The following RPGRIP1L variants were observed in gnomAD, a reference collection of about 807,000 sequenced individuals.
RPGRIP1L encodes the protein protein fantom.
In RPGRIP1L, 131 loss-of-function variants were observed where a neutral mutation model predicts 160.4. The ratio of observed to expected loss-of-function variants is 0.82; its 90% CI spans 0.71 to 0.94. The LOEUF (loss-of-function observed/expected upper bound fraction) is 0.94, where lower values mean the gene tolerates loss of function less well. Among genes scored for constraint, RPGRIP1L ranks in the 40% least tolerant of loss-of-function variants. The pLI, the probability that RPGRIP1L is intolerant of heterozygous loss-of-function variation, is 0.00. For synonymous variants in RPGRIP1L, 510 were observed against 515.8 expected (o/e 0.99, Z 0.15); for missense variants, 1,522 against 1,535.8 (o/e 0.99, Z 0.15).
At position 53,700,627 on chromosome 16, in the gene RPGRIP1L, A is replaced by T; in HGVS notation, c.85+12T>A. The T allele has an allele frequency of 1.9e-6, 3 of 1,598,558 alleles. 1 individual carries two copies. Among genetic ancestry groups the T allele is most frequent in the East Asian group, 4.5e-5 (2 of 44,810 alleles). On this transcript the variant is annotated intron_variant, in intron 2 of 26. Coordinates refer to ENST00000647211, the MANE Select transcript of RPGRIP1L (RefSeq NM_015272.5). ...AAAGTTCATAACTGTAATAAATAACAGCTGGCCATACCTTGTAACCCTCCC... is the reference window on the plus strand; with the variant it reads ...AAAGTTCATAACTGTAATAAATAACTGCTGGCCATACCTTGTAACCCTCCC...
chr16:53,674,771 T>C (rs112780245), intron 7 of RPGRIP1L, among the ~76,000 whole-genome samples: 4 of 152,254 alleles, frequency 2.6e-5, no homozygotes, highest in South Asian at 2.1e-4. Context: ...ATAAATATGG[T>C]TATTATTTTA....
intron 22 of RPGRIP1L, among the ~76,000 whole-genome samples, chr16:53,632,332 A>G (rs1965570376): frequency 6.6e-6 from 1 of 152,222 alleles, no homozygotes; most frequent in Non-Finnish European, 1.5e-5. Flanking sequence ...TATAAAATAG[A>G]GGCAATTTTT....
At chr16:53,626,709 G>A (rs1183544295) in intron 22 of RPGRIP1L, among the ~76,000 whole-genome samples, 1 of 151,408 alleles carries the variant, frequency 6.6e-6, no homozygotes, top group Non-Finnish European at 1.5e-5. Flanking sequence ...GGAGGCTGAG[G>A]CAGGAGAATC....
rs35667860 is a variant in RPGRIP1L at position 53,660,573 on chromosome 16, A to T, written c.1244-1695T>A. Among the ~76,000 whole-genome samples, 422 of 152,132 alleles carry T rather than the reference A, an allele frequency of 2.8e-3. 10 individuals carry two copies. The highest frequency in any genetic ancestry group is 0.02 in the Admixed American group (303 of 15,254). On this transcript the variant is annotated intron_variant, in intron 10 of 26. Transcript: ENST00000647211. Reference sequence around the variant, plus strand: ...TAAAAAAATAAAAAAATAAAAAAAAAAAACCTGTGATCCTAGGCAATACAG... The same window carrying T: ...TAAAAAAATAAAAAAATAAAAAAAATAAACCTGTGATCCTAGGCAATACAG...
At chr16:53,625,665 G>A (rs1032879262) in intron 22 of RPGRIP1L, among the ~76,000 whole-genome samples, 2 of 152,160 alleles carry the variant, frequency 1.3e-5, no homozygotes, top group Non-Finnish European at 2.9e-5. Context: ...CATTGAGAAC[G>A]GGCCATGATG....
At chr16:53,690,936 T>A (rs1477747839) in intron 4 of RPGRIP1L, among the ~76,000 whole-genome samples, 1 of 152,202 alleles carries the variant, frequency 6.6e-6, no homozygotes, top group Non-Finnish European at 1.5e-5. Flanking sequence ...CTACTGCCAA[T>A]CTCACATAGC....
chr16:53,618,109 C>T (rs1964489814), intron 24 of RPGRIP1L, among the ~76,000 whole-genome samples: 1 of 152,124 alleles, frequency 6.6e-6, no homozygotes, highest in African/African-American at 2.4e-5. Context: ...TATAGGGTGT[C>T]TATTGGGTCT....
chr16:53,615,276 A>G (rs72803629), intron 24 of RPGRIP1L, among the ~76,000 whole-genome samples: 4,928 of 152,128 alleles, frequency 0.032, 159 homozygotes, highest in East Asian at 0.14. Context: ...TATTCAGCCC[A>G]GACAACATTC....
Position 53,692,269 on chromosome 16 carries a change from T to C in RPGRIP1L, c.326A>G (p.Glu109Gly). 1 of 1,614,168 alleles carries C rather than the reference T, an allele frequency of 6.2e-7. No individual in the cohort carries two copies. Among genetic ancestry groups the C allele is most frequent in the Non-Finnish European group, 8.5e-7 (1 of 1,180,026 alleles). ...PKRLGRDVEMEEMIEQLQEKV... is the reference protein window; with the variant it reads ...PKRLGRDVEMGEMIEQLQEKV... Reference sequence around the variant, plus strand: ...CTCTTGCAGCTGCTCAATCATTTCTTCCATTTCCACATCTCGTCCCAGCCG... The same window carrying C: ...CTCTTGCAGCTGCTCAATCATTTCTCCCATTTCCACATCTCGTCCCAGCCG... Residue 109 changes from glutamate (E) to glycine (G), a missense_variant, in exon 4 of 27, where the codon GAA becomes GGA. Transcript: ENST00000647211.
chr16:53,601,954 C>T lies in RPGRIP1L; in HGVS notation c.*122G>A, dbSNP rs1963396638. The T allele has an allele frequency of 1.4e-6, 1 of 707,236 alleles. No homozygotes were observed. The highest frequency in any genetic ancestry group is 1.5e-5 in the South Asian group (1 of 66,442). The allele number at this position is 707,236 out of a possible 1,614,324, so 43.8% of individuals were successfully genotyped here. ...CTTCAACACTTCAAACCCAGGTCTCCCCGCTCCCAGCTTCCCATGAATTAT... is the reference window on the plus strand; with the variant it reads ...CTTCAACACTTCAAACCCAGGTCTCTCCGCTCCCAGCTTCCCATGAATTAT... On this transcript the variant is annotated 3_prime_UTR_variant, in exon 27 of 27. Transcript: ENST00000647211.
At chr16:53,633,198 A>G (rs1173406242) in intron 22 of RPGRIP1L, among the ~76,000 whole-genome samples, 7 of 152,234 alleles carry the variant, frequency 4.6e-5, no homozygotes, top group African/African-American at 1.4e-4. Flanking sequence ...CTAATGAACC[A>G]CAAGTATTTT....
At chr16:53,629,704 G>A (rs1965398181) in intron 22 of RPGRIP1L, among the ~76,000 whole-genome samples, 2 of 152,094 alleles carry the variant, frequency 1.3e-5, no homozygotes, top group South Asian at 4.1e-4. Flanking sequence ...AAAGTTCCTT[G>A]TTTCATTCTA....
intron 21 of RPGRIP1L, 41 bp from the exon 22 acceptor site, chr16:53,636,553 C>T: frequency 7.4e-7 from 1 of 1,344,810 alleles, no homozygotes; most frequent in Non-Finnish European, 1.1e-6. Flanking sequence ...ACAAGTTAAA[C>T]CAATTCTACT....
At chr16:53,611,664 G>T (rs1964046463) in intron 24 of RPGRIP1L, among the ~76,000 whole-genome samples, 1 of 152,186 alleles carries the variant, frequency 6.6e-6, no homozygotes, top group Admixed American at 6.5e-5. Context: ...GACTTCACTG[G>T]GCTGAAGCAT....
In RPGRIP1L at chr16:53,673,214, A is replaced by G. The variant is rs138067503; in HGVS notation, c.883-198T>C. ...GAGACGCTCTGAACATGTGTGTGAC[A>G]TGAGGAAGAAAATACAGGGTTATCT... On this transcript the variant is annotated intron_variant, in intron 7 of 26. Coordinates refer to ENST00000647211, the MANE Select transcript of RPGRIP1L (RefSeq NM_015272.5). Among the ~76,000 whole-genome samples the G allele has an allele frequency of 6.3e-3, 962 of 152,322 alleles. 12 individuals carry two copies. The highest frequency in any genetic ancestry group is 0.022 in the African/African-American group (920 of 41,598).
intron 6 of RPGRIP1L, among the ~76,000 whole-genome samples, chr16:53,676,553 G>T (rs1969188323): frequency 6.6e-6 from 1 of 152,114 alleles, no homozygotes; most frequent in Admixed American, 6.5e-5. Flanking sequence ...AGGACAGAAT[G>T]TGATTCAAAT....
At chr16:53,695,204 A>T in intron 3 of RPGRIP1L, 1 of 616,216 alleles carries the variant, frequency 1.6e-6, no homozygotes, top group Non-Finnish European at 2.9e-6. Flanking sequence ...AGCAGACTAC[A>T]TGCCTCATTC....
chr16:53,652,511 C>G, intron 15 of RPGRIP1L, 24 bp downstream of exon 15: 1 of 1,579,140 alleles, frequency 6.3e-7, no homozygotes, highest in Non-Finnish European at 8.7e-7. Flanking sequence ...ATTCAAACAC[C>G]CAAGGCTTAT....
Position 53,664,889 on chromosome 16 carries a change from G to T in RPGRIP1L, c.1224C>A (p.Asp408Glu), listed in dbSNP as rs1489136375. Reference protein sequence around the residue: ...SDLTDKTEILDRLKTERDQNE... With the variant: ...SDLTDKTEILERLKTERDQNE... The stretch of plus-strand genomic sequence containing the variant: ...ATGTACCTCTTTCAGTTTTTAATCT[G>T]TCAAGGATTTCAGTTTTGTCTGTTA... Residue 408 changes from aspartate to glutamate, a missense_variant, in exon 10 of 27, where the codon GAC becomes GAA. Asp to Glu is a conservative substitution (Grantham distance 45). Transcript: ENST00000647211. 1.2e-6 allele frequency: 2 copies of T among 1,611,336 alleles called. No individual in the cohort carries two copies. The highest frequency in any genetic ancestry group is 2.7e-5 in the African/African-American group (2 of 74,914).
Sources: gnomAD v4.1 joint callset for allele counts (sites outside exome capture counted in the v4.1 genomes callset) on GRCh38, gnomAD v4.1.1 for gene constraint, MANE v1.5 for transcripts, NCBI Gene and HGNC (gene_info 2026-07-23, HGNC 2026-07-21) for gene names.